The following LRRC53 variants were observed in gnomAD, a reference collection of about 807,000 sequenced individuals.
LRRC53 encodes leucine rich repeat containing 53.
LRRC53 carries 25 observed loss-of-function variants against 13.6 expected under a neutral mutation model. The observed-to-expected ratio is 1.83, with a 90% confidence interval of 1.34 to 2.56. LRRC53 has a LOEUF of 2.56. Ranked by LOEUF, LRRC53 falls within the 30% of genes most tolerant of loss-of-function variation. The pLI is 0.00. For synonymous variants in LRRC53, 204 were observed against 109.8 expected (o/e 1.86, Z -5.37); for missense variants, 527 against 275.8 (o/e 1.91, Z -6.45).
chr1:74,530,128 C>T, the LRRC53 span, among the ~76,000 whole-genome samples: 1,283 of 152,252 alleles, frequency 8.4e-3, 14 homozygotes, highest in Middle Eastern at 0.014. Context: ...CTGTGCCAGC[C>T]GTTAGGTGTC....
intron 1 of LRRC53, chr1:74,492,411 G>A (rs905431671): frequency 1.5e-5 from 17 of 1,128,026 alleles, no homozygotes; most frequent in Admixed American, 3.6e-5. Flanking sequence ...TTTTTCTTAC[G>A]TTATGACTAA....
chr1:74,504,185 G>A (rs1474660487), intron 1 of LRRC53, among the ~76,000 whole-genome samples: 1 of 152,184 alleles, frequency 6.6e-6, no homozygotes, highest in African/African-American at 2.4e-5. Flanking sequence ...CATGCTTCTG[G>A]TATCTTACAA....
intron 1 of LRRC53, among the ~76,000 whole-genome samples, chr1:74,483,707 C>T (rs1388481794): frequency 1.3e-5 from 2 of 152,102 alleles, no homozygotes; most frequent in Admixed American, 6.5e-5. Context: ...TTCTGCAACC[C>T]AATTGGAGAC....
At chr1:74,494,563 T>C (rs1218220311) in intron 1 of LRRC53, among the ~76,000 whole-genome samples, 1 of 152,208 alleles carries the variant, frequency 6.6e-6, no homozygotes, top group African/African-American at 2.4e-5. Context: ...TCTTCTGTTC[T>C]TATTCTCTAC....
chr1:74,479,258 TAAG>T (rs1668357651), intron 3 of LRRC53, among the ~76,000 whole-genome samples: 1 of 152,194 alleles, frequency 6.6e-6, no homozygotes, highest in Admixed American at 6.5e-5. Context: ...CTAGATAACT[TAAG>T]AAATCTCATG....
chr1:74,501,882 A>G (rs1326591985), intron 1 of LRRC53, among the ~76,000 whole-genome samples: 1 of 152,108 alleles, frequency 6.6e-6, no homozygotes, highest in Non-Finnish European at 1.5e-5. Context: ...GGTTATATAT[A>G]TATATATACA....
chr1:74,516,245 C>T (rs1212127510), upstream of LRRC53, among the ~76,000 whole-genome samples: 2 of 152,224 alleles, frequency 1.3e-5, no homozygotes, highest in Non-Finnish European at 2.9e-5. Context: ...TTGAAGACTA[C>T]TCAATGAATG....
In LRRC53 at chr1:74,477,082, T is replaced by C. The variant is rs536793170; in HGVS notation, c.905-1272A>G. On this transcript the variant is annotated intron_variant, in intron 3 of 4. Transcript: ENST00000294635. ...CATTTTTAAAGTTGTAGCAAAATTA[T>C]GTAAATAATAATCCTTTTATTGACA... Among the ~76,000 whole-genome samples the C allele has an allele frequency of 2.0e-5, 3 of 152,290 alleles. No homozygotes were observed. The East Asian group carries it at 5.8e-4, about 29-fold the overall frequency.
the LRRC53 span, among the ~76,000 whole-genome samples, chr1:74,531,277 G>A: frequency 6.6e-6 from 1 of 152,154 alleles, no homozygotes; most frequent in African/African-American, 2.4e-5. Flanking sequence ...AGGAAATATT[G>A]ACAAAAACAA....
At chr1:74,517,841 C>T in the LRRC53 span, among the ~76,000 whole-genome samples, 12 of 152,178 alleles carry the variant, frequency 7.9e-5, no homozygotes, top group African/African-American at 2.9e-4. Flanking sequence ...GCTGGGCCCA[C>T]TACCAGAGTT....
At position 74,501,470 on chromosome 1, in the gene LRRC53, T is replaced by C. The variant is rs112982833; in HGVS notation, c.-27+11056A>G. Among the ~76,000 whole-genome samples, 221 of 143,982 alleles carry C rather than the reference T, an allele frequency of 1.5e-3. 2 individuals carry two copies. The highest frequency in any genetic ancestry group is 5.3e-3 in the African/African-American group (207 of 39,272). The allele number at this position is 143,982 out of a possible 152,430, so 94.5% of individuals were successfully genotyped here. On this transcript the variant is annotated intron_variant, in intron 1 of 4. Coordinates refer to ENST00000294635, the MANE Select transcript of LRRC53 (RefSeq NM_001382280.1). ...ACTTCAACTTGGAGGGTTTTTTTTG[T>C]TTTGTGTTTGTTTGTTTGTTTGTTT... is the stretch of plus-strand genomic sequence containing the variant.
chr1:74,531,699 G>C, the LRRC53 span, among the ~76,000 whole-genome samples: 3 of 152,238 alleles, frequency 2.0e-5, no homozygotes, highest in South Asian at 6.2e-4. Flanking sequence ...TAGTTCCTTA[G>C]ATTGGGGCAA....
At chr1:74,527,724 G>T in the LRRC53 span, among the ~76,000 whole-genome samples, 2 of 152,202 alleles carry the variant, frequency 1.3e-5, no homozygotes, top group Non-Finnish European at 2.9e-5. Flanking sequence ...AATCTGATTA[G>T]CATTTTAAAA....
At chr1:74,502,900 C>T (rs896853316) in intron 1 of LRRC53, among the ~76,000 whole-genome samples, 1 of 152,170 alleles carries the variant, frequency 6.6e-6, no homozygotes, top group African/African-American at 2.4e-5. Context: ...ACTCTCTGAC[C>T]ACATTTGTAA....
At chr1:74,474,096 C>G (rs1668067940) in intron 4 of LRRC53, among the ~76,000 whole-genome samples, 1 of 152,046 alleles carries the variant, frequency 6.6e-6, no homozygotes, top group South Asian at 2.1e-4. Flanking sequence ...TCTGACAAAC[C>G]AGTGTTCTCA....
the LRRC53 span, among the ~76,000 whole-genome samples, chr1:74,529,910 T>G: frequency 0.016 from 2,371 of 152,168 alleles, 52 homozygotes; most frequent in African/African-American, 0.053. Flanking sequence ...TTAGGGAGAG[T>G]GTCCTTAGAG....
the LRRC53 span, among the ~76,000 whole-genome samples, chr1:74,522,172 A>T: frequency 5.3e-5 from 8 of 152,226 alleles, no homozygotes; most frequent in African/African-American, 1.9e-4. Flanking sequence ...CAGGTGAAGC[A>T]TTCAGACCCT....
intron 4 of LRRC53, among the ~76,000 whole-genome samples, chr1:74,473,922 A>G (rs544047697): frequency 1.1e-4 from 16 of 152,138 alleles, no homozygotes; most frequent in Non-Finnish European, 1.8e-4. Context: ...TCTTTTTCCA[A>G]GTCAGAAGGC....
rs1258959085 is a variant in LRRC53 at position 74,470,433 on chromosome 1, A to G, written c.3189T>C (p.Asn1063=). ...CAGTGCCGTCATTTCTGGGCAATGC[A>G]TTTGTGCTGTCAATTCCTTTTTCGC... ...NSSEKGIDST[N]ALPRNDGTEA... The change falls in exon 5 of 5, where the codon AAT becomes AAC. Residue 1063 remains asparagine, a synonymous_variant. Coordinates refer to ENST00000294635, the MANE Select transcript of LRRC53 (RefSeq NM_001382280.1). The G allele has an allele frequency of 2.5e-6, 1 of 400,490 alleles. No individual in the cohort carries two copies. The highest frequency in any genetic ancestry group is 4.4e-6 in the Non-Finnish European group (1 of 226,186). The allele number at this position is 400,490 out of a possible 1,614,324, so 24.8% of individuals were successfully genotyped here.
Sources: gnomAD v4.1 joint callset for allele counts (sites outside exome capture counted in the v4.1 genomes callset) on GRCh38, gnomAD v4.1.1 for gene constraint, MANE v1.5 for transcripts, NCBI Gene and HGNC (gene_info 2026-07-23, HGNC 2026-07-21) for gene names.